Variants in NIPA2 observed in about 807,000 individuals in gnomAD.
NIPA2 encodes the protein NIPA magnesium transporter 2.
In NIPA2, 11 loss-of-function variants were observed where a neutral mutation model predicts 29.7. The ratio of observed to expected loss-of-function variants is 0.37; its 90% CI spans 0.23 to 0.61. NIPA2 has a LOEUF of 0.61. NIPA2 is among the 20% of genes least tolerant of loss of function. The pLI is 0.66. For synonymous variants in NIPA2, 183 were observed against 161.9 expected, an observed-to-expected ratio of 1.13 and a Z score of -0.99; for missense variants, 426 against 437.9, an observed-to-expected ratio of 0.97 and a Z score of 0.24.
At chr15:22,843,992 C>T (rs865914688) in intron 2 of NIPA2, among the ~76,000 whole-genome samples, 8 of 152,186 alleles carry the variant, frequency 5.3e-5, no homozygotes, top group Middle Eastern at 6.8e-3. Flanking sequence ...CCGCCGTGCT[C>T]GGCCCAGTTG....
intron 2 of NIPA2, among the ~76,000 whole-genome samples, chr15:22,840,849 G>T (rs1896894017): frequency 6.6e-6 from 1 of 152,130 alleles, no homozygotes; most frequent in Admixed American, 6.5e-5. Flanking sequence ...CATATTTTCA[G>T]AATGTTTTTA....
At chr15:22,850,800 G>A (rs1341707690) in intron 3 of NIPA2, among the ~76,000 whole-genome samples, 1 of 152,180 alleles carries the variant, frequency 6.6e-6, no homozygotes, top group Admixed American at 6.5e-5. Flanking sequence ...CTGAATTGCA[G>A]ATTAGTTTTG....
chr15:22,849,074 C>T (rs1259527204), intron 3 of NIPA2, among the ~76,000 whole-genome samples: 1 of 152,076 alleles, frequency 6.6e-6, no homozygotes, highest in Non-Finnish European at 1.5e-5. Flanking sequence ...AATCTTACAG[C>T]GTGTAGAAAT....
At chr15:22,860,211 G>T (rs549012515) in intron 6 of NIPA2, among the ~76,000 whole-genome samples, 1 of 151,974 alleles carries the variant, frequency 6.6e-6, no homozygotes, top group Non-Finnish European at 1.5e-5. Context: ...GTAGAGATGG[G>T]GTTTCACCAT....
At chr15:22,857,434 C>CTT (rs1230401421) in intron 5 of NIPA2, among the ~76,000 whole-genome samples, 2 of 126,002 alleles carry the variant, frequency 1.6e-5, no homozygotes, top group African/African-American at 7.6e-5. Flanking sequence ...GAGCGAGACT[C>CTT]TGTCTCAAAA....
chr15:22,844,746 A>G (rs376239669), intron 2 of NIPA2, among the ~76,000 whole-genome samples: 55 of 151,854 alleles, frequency 3.6e-4, no homozygotes, highest in Middle Eastern at 3.4e-3. Context: ...AGAGTGAGAC[A>G]CTGTCAAAAA....
In NIPA2 at chr15:22,867,140, A is replaced by C. The variant is rs185009159; in HGVS notation, c.*293A>C. ...ATGCACTAATGACAGTTTTAAGTCTATGAAAATGCTTTATTTTTTCATTGG... is the reference window on the plus strand; with the variant it reads ...ATGCACTAATGACAGTTTTAAGTCTCTGAAAATGCTTTATTTTTTCATTGG... On this transcript the variant is annotated 3_prime_UTR_variant, in exon 8 of 8. Coordinates refer to ENST00000337451, the MANE Select transcript of NIPA2 (RefSeq NM_030922.7). The C allele has an allele frequency of 1.1e-3, 511 of 454,340 alleles. 2 individuals carry two copies. Among genetic ancestry groups the C allele is most frequent in the African/African-American group, 9.4e-3 (465 of 49,284 alleles). The allele number at this position is 454,340 out of a possible 1,614,324, so 28.1% of individuals were successfully genotyped here.
chr15:22,855,410 T>G (rs764061611), intron 5 of NIPA2, among the ~76,000 whole-genome samples: 1 of 151,434 alleles, frequency 6.6e-6, no homozygotes. Flanking sequence ...AGAGTGAAAC[T>G]GTCTCAAAAA....
At chr15:22,863,019 A>G (rs1031323993) in intron 7 of NIPA2, among the ~76,000 whole-genome samples, 4 of 145,308 alleles carry the variant, frequency 2.8e-5, no homozygotes, top group African/African-American at 1.0e-4. Context: ...CTCCCACCTC[A>G]GCCTCCTGTG....
chr15:22,853,155 A>T, intron 4 of NIPA2, 57 bp from the exon 5 acceptor site: 1 of 1,150,340 alleles, frequency 8.7e-7, no homozygotes, highest in Non-Finnish European at 1.3e-6. Context: ...TAATAGTTAT[A>T]ATTTATACAA....
intron 4 of NIPA2, 122 bp downstream of exon 4, chr15:22,851,992 G>A (rs1489527044): frequency 7.4e-6 from 6 of 809,272 alleles, no homozygotes; most frequent in Non-Finnish European, 1.2e-5. Context: ...TTGTTCAAGA[G>A]TTCTAAATGT....
At chr15:22,852,264 C>G (rs1215865182) in intron 4 of NIPA2, among the ~76,000 whole-genome samples, 3 of 152,004 alleles carry the variant, frequency 2.0e-5, no homozygotes, top group Non-Finnish European at 4.4e-5. Context: ...GTCAGGAGTT[C>G]GAGACCAGCC....
chr15:22,847,761 C>T (rs375961544), intron 3 of NIPA2, among the ~76,000 whole-genome samples: 7 of 151,798 alleles, frequency 4.6e-5, no homozygotes, highest in South Asian at 2.1e-4. Context: ...CGTGCCCGGC[C>T]GATGATTTTT....
At chr15:22,854,076 T>G (rs2057994604) in intron 5 of NIPA2, among the ~76,000 whole-genome samples, 1 of 151,678 alleles carries the variant, frequency 6.6e-6, no homozygotes, top group African/African-American at 2.4e-5. Flanking sequence ...CCGCCCACCT[T>G]GGCCTCCCAA....
intron 2 of NIPA2, among the ~76,000 whole-genome samples, chr15:22,840,584 G>A: frequency 6.6e-6 from 1 of 152,300 alleles, no homozygotes; most frequent in South Asian, 2.1e-4. Flanking sequence ...ACAGGCGTGA[G>A]CCACCGCGCC....
At chr15:22,854,039 C>A (rs2057990482) in intron 5 of NIPA2, among the ~76,000 whole-genome samples, 1 of 151,610 alleles carries the variant, frequency 6.6e-6, no homozygotes, top group African/African-American at 2.4e-5. Context: ...GTTGGCCAGG[C>A]TGGTCTCGAT....
intron 5 of NIPA2, among the ~76,000 whole-genome samples, chr15:22,856,508 A>G (rs2058188663): frequency 6.6e-6 from 1 of 152,174 alleles, no homozygotes. Context: ...TTGAATTTTA[A>G]CAGTAACCAT....
rs1209706249 is a variant in NIPA2, at chr15:22,867,262, C to CAT, written c.*416_*417dup. ...TTAAAAAAACAGAGTTATCCCAATA[C>CAT]ATTATCCTGTGATTTACCTTACCTA... On this transcript the variant is annotated 3_prime_UTR_variant, in exon 8 of 8. Coordinates refer to ENST00000337451, the MANE Select transcript of NIPA2 (RefSeq NM_030922.7). The CAT allele has an allele frequency of 2.5e-6, 1 of 400,294 alleles. No individual in the cohort carries two copies. The highest frequency in any genetic ancestry group is 2.1e-5 in the African/African-American group (1 of 48,594). The allele number at this position is 400,294 out of a possible 1,614,324, so 24.8% of individuals were successfully genotyped here.
At position 22,838,830 on chromosome 15, in the gene NIPA2, C is replaced by G. The variant is rs1487423234; in HGVS notation, c.-443C>G. Reference sequence around the variant, plus strand: ...GCGACGAAGGCGGTGGCCGTGCGAGCGCAGGACTGGGCGGCCTGTGTGGGG... The same window carrying G: ...GCGACGAAGGCGGTGGCCGTGCGAGGGCAGGACTGGGCGGCCTGTGTGGGG... On this transcript the variant is annotated 5_prime_UTR_variant, in exon 1 of 8. Coordinates refer to ENST00000337451, the MANE Select transcript of NIPA2 (RefSeq NM_030922.7). The G allele has an allele frequency of 6.6e-6, 1 of 152,646 alleles. No homozygotes were observed. The highest frequency in any genetic ancestry group is 2.4e-5 in the African/African-American group (1 of 41,462). 9.5% of individuals were successfully genotyped at this position (152,646 alleles called of 1,614,324 possible).
Sources: allele counts gnomAD v4.1 joint callset (sites outside exome capture counted in the v4.1 genomes callset), GRCh38; gene constraint gnomAD v4.1.1; transcripts MANE v1.5; gene names NCBI Gene and HGNC (gene_info 2026-07-23, HGNC 2026-07-21).